THBS4: variants seen among roughly 807,000 people sequenced by gnomAD.
THBS4 encodes the protein thrombospondin 4.
In THBS4, 90 loss-of-function variants were observed where a neutral mutation model predicts 115.7. That is an observed-to-expected ratio of 0.78 (90% CI 0.66 to 0.93). The LOEUF is 0.93. Ranked by LOEUF, THBS4 falls within the 40% of genes least tolerant of loss-of-function variation. The pLI is 0.00. For synonymous variants in THBS4, 460 were observed against 479.3 expected, an observed-to-expected ratio of 0.96 and a Z score of 0.53; for missense variants, 1,087 against 1,232.7, an observed-to-expected ratio of 0.88 and a Z score of 1.77.
chr5:80,014,411 G>A (rs1832207579), intron 2 of THBS4, among the ~76,000 whole-genome samples: 1 of 152,190 alleles, frequency 6.6e-6, no homozygotes, highest in African/African-American at 2.4e-5. Flanking sequence ...CCTCGCAGAT[G>A]TGGTGGGATC....
intron 1 of THBS4, among the ~76,000 whole-genome samples, chr5:79,993,585 C>T (rs897429473): frequency 2.0e-5 from 3 of 152,142 alleles, no homozygotes; most frequent in African/African-American, 7.2e-5. Context: ...TAATGAGTAT[C>T]CCAGACAGTG....
At chr5:80,019,027 TTCTC>T (rs1425946765) in intron 2 of THBS4, among the ~76,000 whole-genome samples, 2 of 151,012 alleles carry the variant, frequency 1.3e-5, no homozygotes, top group Non-Finnish European at 2.9e-5. Context: ...GGACTACCAG[TTCTC>T]TCTGTGATTG....
chr5:80,045,562 C>G (rs1159379163), intron 2 of THBS4, among the ~76,000 whole-genome samples: 2 of 139,568 alleles, frequency 1.4e-5, no homozygotes, highest in African/African-American at 5.3e-5. Context: ...CGGAGTTTTG[C>G]TCTTGTTGCC....
At chr5:80,032,461 G>C (rs1690539985), upstream of THBS4, among the ~76,000 whole-genome samples, 1 of 152,184 alleles carries the variant, frequency 6.6e-6, no homozygotes, top group Admixed American at 6.5e-5. Flanking sequence ...TTATTAAGGA[G>C]TATTGACGCA....
chr5:80,014,801 T>A (rs559249360), intron 2 of THBS4, among the ~76,000 whole-genome samples: 24 of 152,364 alleles, frequency 1.6e-4, no homozygotes, highest in African/African-American at 5.5e-4. Flanking sequence ...TTTACAGCCC[T>A]GTATTTCAAT....
intron 1 of THBS4, among the ~76,000 whole-genome samples, chr5:79,991,587 C>T (rs1457172908): frequency 6.6e-6 from 1 of 152,256 alleles, no homozygotes; most frequent in Non-Finnish European, 1.5e-5. Context: ...TTTACAATGT[C>T]GGAGAGAAAG....
At chr5:80,014,773 A>G (rs902775390) in intron 2 of THBS4, among the ~76,000 whole-genome samples, 3 of 152,358 alleles carry the variant, frequency 2.0e-5, no homozygotes, top group East Asian at 3.9e-4. Flanking sequence ...CACCATAAGC[A>G]TAAAACTAAG....
rs956608308 is a variant in THBS4 at position 80,035,926 on chromosome 5, C to T, written c.88+301C>T. ...AAACTTGCTACACGGTCCTAGACCT[C>T]TTAACATGTTAGGCTCTGGTGTAGG... is the stretch of plus-strand genomic sequence containing the variant. On this transcript the variant is annotated intron_variant, in intron 1 of 21. Coordinates refer to ENST00000350881, the MANE Select transcript of THBS4 (RefSeq NM_003248.6). The surrounding 1 kb of genome is among the most constrained non-coding windows in gnomAD (Gnocchi z 4.6). 2.1e-4 allele frequency: 216 copies of T among 1,038,380 alleles called. No individual in the cohort carries two copies. In the African/African-American group the frequency reaches 3.2e-3, roughly 15 times the overall value. The allele number at this position is 1,038,380 out of a possible 1,614,324, so 64.3% of individuals were successfully genotyped here. A position where few individuals can be genotyped will look rare whatever the true frequency, so the allele number is the denominator to read the frequency against.
At chr5:80,023,670 AAGAG>A (rs1040134183) in intron 2 of THBS4, among the ~76,000 whole-genome samples, 10 of 152,334 alleles carry the variant, frequency 6.6e-5, no homozygotes, top group African/African-American at 2.2e-4. Context: ...TTTTAAAAGA[AAGAG>A]AGAGAGGTCT....
At chr5:80,064,541 A>C (rs1049198122) in intron 8 of THBS4, among the ~76,000 whole-genome samples, 4 of 152,258 alleles carry the variant, frequency 2.6e-5, no homozygotes, top group Non-Finnish European at 5.9e-5. Context: ...ACTGGGCAAC[A>C]TGGCAAAATC....
rs67048630 is a variant in THBS4, at chr5:80,080,579, C to CTTTT, written c.2684+524_2684+527dup. On this transcript the variant is annotated intron_variant, in intron 20 of 21. Transcript: ENST00000350881. Reference sequence around the variant, plus strand: ...AACTGCATGAGAGCAGCGCTTGTATCTTTTTTTTTTTTTTTTTTTTTTTTT... The same window carrying CTTTT: ...AACTGCATGAGAGCAGCGCTTGTATCTTTTTTTTTTTTTTTTTTTTTTTTTTTTT... Among the ~76,000 whole-genome samples the CTTTT allele has an allele frequency of 2.6e-3, 129 of 50,482 alleles. 10 individuals are homozygous for CTTTT. The highest frequency in any genetic ancestry group is 5.7e-3 in the African/African-American group (72 of 12,700). The allele number at this position is 50,482 out of a possible 152,430, so 33.1% of individuals were successfully genotyped here. A position where few individuals can be genotyped will look rare whatever the true frequency, so the allele number is the denominator to read the frequency against.
At position 80,079,241 on chromosome 5, in the gene THBS4, C is replaced by T; in HGVS notation, c.2494C>T (p.Pro832Ser). Residue 832 changes from proline to serine, a missense_variant, in exon 19 of 22, where the codon CCT (proline) becomes TCT (serine). Physicochemically the swap from Pro to Ser is moderately conservative, Grantham distance 74. This residue lies in a region of THBS4 where 979 missense variants were observed against 1,103.7 expected (regional missense o/e 0.89). Coordinates refer to ENST00000350881, the MANE Select transcript of THBS4 (RefSeq NM_003248.6). The part of the protein sequence containing the change: ...QATPFRAVAE[P>S]GIQLKAVKSK... Reference sequence around the variant, plus strand: ...CACCCCATTCCGAGCAGTTGCAGAACCTGGCATTCAGCTCAAGGTATTGGT... The same window carrying T: ...CACCCCATTCCGAGCAGTTGCAGAATCTGGCATTCAGCTCAAGGTATTGGT... 2 of 1,611,402 alleles carry T rather than the reference C, an allele frequency of 1.2e-6. No individual in the cohort carries two copies. Among genetic ancestry groups the T allele is most frequent in the African/African-American group, 1.3e-5 (1 of 74,992 alleles).
At chr5:80,001,430 C>T (rs1831896303) in intron 2 of THBS4, among the ~76,000 whole-genome samples, 1 of 152,128 alleles carries the variant, frequency 6.6e-6, no homozygotes. Flanking sequence ...CCAGTGATAC[C>T]AAGATCAATC....
chr5:80,077,924 G>A, intron 16 of THBS4, 125 bp from the exon 17 acceptor site: 1 of 831,430 alleles, frequency 1.2e-6, no homozygotes, highest in Non-Finnish European at 1.7e-6. Flanking sequence ...AACACTGATG[G>A]GAAATCATGG....
At chr5:80,058,860 C>A in intron 5 of THBS4, 70 bp downstream of exon 5, 3 of 1,463,142 alleles carry the variant, frequency 2.1e-6, no homozygotes, top group South Asian at 1.3e-5. Context: ...GCTAGTGGAG[C>A]TGCAGGCCTG....
chr5:80,000,125 T>C (rs962778243), intron 2 of THBS4, among the ~76,000 whole-genome samples: 5 of 152,222 alleles, frequency 3.3e-5, no homozygotes, highest in Non-Finnish European at 7.3e-5. Context: ...TAAATACTTA[T>C]GAATTATTAT....
rs758092856 is a variant in THBS4 at position 80,061,760 on chromosome 5, C to T, written c.1053C>T (p.Asp351=). ...ATTTGTCTCCTGGCTTCAGATGTGA[C>T]GCCTGCCCAGTGGGCTTCACAGGGC... The part of the protein sequence containing the change: ...CINLSPGFRC[D]ACPVGFTGPM... The change falls in exon 8 of 22, where the codon GAC becomes GAT. Residue 351 remains aspartate (D), a synonymous_variant. Coordinates refer to ENST00000350881, the MANE Select transcript of THBS4 (RefSeq NM_003248.6). The T allele has an allele frequency of 5.8e-5, 94 of 1,613,948 alleles. No homozygotes were observed. Among genetic ancestry groups the T allele is most frequent in the Middle Eastern group, 1.6e-4 (1 of 6,084 alleles).
At position 80,080,579 on chromosome 5, in the gene THBS4, C is replaced by CTTTTTTTTTTTTTTTTTTTTTTTT; in HGVS notation, c.2684+504_2684+527dup. ...AACTGCATGAGAGCAGCGCTTGTAT[C>CTTTTTTTTTTTTTTTTTTTTTTTT]TTTTTTTTTTTTTTTTTTTTTTTTT... On this transcript the variant is annotated intron_variant, in intron 20 of 21. Coordinates refer to ENST00000350881, the MANE Select transcript of THBS4 (RefSeq NM_003248.6). Among the ~76,000 whole-genome samples, 84 of 50,496 alleles carry CTTTTTTTTTTTTTTTTTTTTTTTT rather than the reference C, an allele frequency of 1.7e-3. 19 individuals are homozygous for CTTTTTTTTTTTTTTTTTTTTTTTT. The highest frequency in any genetic ancestry group is 3.8e-3 in the East Asian group (4 of 1,052). The allele number at this position is 50,496 out of a possible 152,430, so 33.1% of individuals were successfully genotyped here. A position where few individuals can be genotyped will look rare whatever the true frequency, so the allele number is the denominator to read the frequency against.
intron 2 of THBS4, among the ~76,000 whole-genome samples, chr5:80,043,875 C>T (rs1233162046): frequency 1.3e-5 from 2 of 152,180 alleles, no homozygotes; most frequent in African/African-American, 4.8e-5. Flanking sequence ...CATGTCTCAG[C>T]AAGGCATTCG....
Sources: gnomAD v4.1 joint callset for allele counts (sites outside exome capture counted in the v4.1 genomes callset) on GRCh38, gnomAD v4.1.1 for gene constraint, gnomAD v4.1.1 regional missense constraint, Gnocchi (gnomAD v3.1) non-coding constraint, MANE v1.5 for transcripts, NCBI Gene and HGNC (gene_info 2026-07-23, HGNC 2026-07-21) for gene names.